NSMCE2: variants seen among roughly 807,000 people sequenced by gnomAD.
The protein encoded by NSMCE2 is NSE2 SUMO ligase component of SMC5/6 complex.
In NSMCE2, 24 loss-of-function variants were observed where a neutral mutation model predicts 23.8. That is an observed-to-expected ratio of 1.01 (90% CI 0.73 to 1.42). NSMCE2 has a LOEUF of 1.42. NSMCE2 is among the 40% of genes most tolerant of loss of function. NSMCE2 has a pLI of 0.00. For missense variants in NSMCE2, 284 were observed against 296.5 expected (o/e 0.96, Z 0.31); for synonymous variants, 92 against 94.1 (o/e 0.98, Z 0.13).
At chr8:125,287,417 C>T (rs887637332) in intron 5 of NSMCE2, among the ~76,000 whole-genome samples, 23 of 152,204 alleles carry the variant, frequency 1.5e-4, no homozygotes, top group African/African-American at 5.3e-4. Context: ...TGTTTCATGC[C>T]TGCTGCTACT....
At chr8:125,121,876 T>G (rs1364100908) in intron 3 of NSMCE2, among the ~76,000 whole-genome samples, 2 of 152,136 alleles carry the variant, frequency 1.3e-5, no homozygotes, top group Non-Finnish European at 2.9e-5. Context: ...AAGGAGTGGT[T>G]TTTGTTTTTT....
intron 5 of NSMCE2, among the ~76,000 whole-genome samples, chr8:125,245,379 AAAT>A (rs1825915559): frequency 6.6e-6 from 1 of 152,238 alleles, no homozygotes; most frequent in African/African-American, 2.4e-5. Flanking sequence ...ATATTAACTG[AAAT>A]AATAATTTGA....
At chr8:125,300,889 A>T (rs987229699) in intron 5 of NSMCE2, among the ~76,000 whole-genome samples, 1 of 152,176 alleles carries the variant, frequency 6.6e-6, no homozygotes, top group Non-Finnish European at 1.5e-5. Flanking sequence ...ATGGAAGAAC[A>T]TTCCACCTGG....
At chr8:125,103,291 G>A (rs890519976) in intron 3 of NSMCE2, among the ~76,000 whole-genome samples, 6 of 151,724 alleles carry the variant, frequency 4.0e-5, no homozygotes, top group African/African-American at 1.5e-4. Flanking sequence ...GGACAACAGA[G>A]CAAGACTCTG....
chr8:125,125,087 A>G (rs1215112778), intron 3 of NSMCE2, among the ~76,000 whole-genome samples: 4 of 152,048 alleles, frequency 2.6e-5, no homozygotes, highest in Non-Finnish European at 5.9e-5. Context: ...GAGCCCAGCT[A>G]GGATTTTCTG....
intron 5 of NSMCE2, among the ~76,000 whole-genome samples, chr8:125,185,784 TA>T (rs1396031796): frequency 3.3e-5 from 5 of 152,362 alleles, no homozygotes; most frequent in East Asian, 3.9e-4. Flanking sequence ...TTACATTTTA[TA>T]AACATAAAGG....
chr8:125,154,852 A>C (rs1453328930), intron 4 of NSMCE2, among the ~76,000 whole-genome samples: 1 of 152,216 alleles, frequency 6.6e-6, no homozygotes, highest in Non-Finnish European at 1.5e-5. Flanking sequence ...TGTTCTGAAC[A>C]CTAGACTTCT....
At chr8:125,159,524 T>G (rs1821494716) in intron 4 of NSMCE2, among the ~76,000 whole-genome samples, 1 of 152,224 alleles carries the variant, frequency 6.6e-6, no homozygotes, top group Non-Finnish European at 1.5e-5. Context: ...TAGTAGGCTA[T>G]TCCATCTAGG....
intron 3 of NSMCE2, among the ~76,000 whole-genome samples, chr8:125,105,040 C>T (rs1818389451): frequency 1.3e-5 from 2 of 152,120 alleles, no homozygotes; most frequent in African/African-American, 2.4e-5. Context: ...CCCTTGGATT[C>T]CTCCTCCCTT....
chr8:125,098,564 A>C (rs1818043263), intron 1 of NSMCE2, among the ~76,000 whole-genome samples: 1 of 152,160 alleles, frequency 6.6e-6, no homozygotes, highest in Non-Finnish European at 1.5e-5. Flanking sequence ...GGAGTAATTC[A>C]GGCAAGAGAT....
At chr8:125,332,043 C>T (rs1197056932) in intron 5 of NSMCE2, among the ~76,000 whole-genome samples, 1 of 152,190 alleles carries the variant, frequency 6.6e-6, no homozygotes, top group African/African-American at 2.4e-5. Flanking sequence ...CACCCTCCTT[C>T]TGCTGATATG....
chr8:125,292,052 T>C (rs1032974314), intron 5 of NSMCE2, among the ~76,000 whole-genome samples: 4 of 152,040 alleles, frequency 2.6e-5, no homozygotes, highest in African/African-American at 9.7e-5. Context: ...GAAGTGCACA[T>C]CACTTCCACT....
chr8:125,343,889 C>G (rs1325961742), intron 5 of NSMCE2, among the ~76,000 whole-genome samples: 1 of 152,042 alleles, frequency 6.6e-6, no homozygotes, highest in African/African-American at 2.4e-5. Flanking sequence ...GCCTGTAGTC[C>G]CAGCTACTCG....
intron 5 of NSMCE2, among the ~76,000 whole-genome samples, chr8:125,233,868 A>G (rs1825430385): frequency 6.6e-6 from 1 of 152,170 alleles, no homozygotes; most frequent in East Asian, 1.9e-4. Context: ...ATAGATCCCT[A>G]TTGATTATTT....
intron 5 of NSMCE2, among the ~76,000 whole-genome samples, chr8:125,224,251 A>G (rs1161561702): frequency 2.0e-5 from 3 of 152,052 alleles, no homozygotes; most frequent in Admixed American, 6.6e-5. Context: ...TTTCCTCCCA[A>G]CCCGTGAATT....
chr8:125,193,150 CAG>C (rs1364675126), intron 5 of NSMCE2, among the ~76,000 whole-genome samples: 129 of 152,172 alleles, frequency 8.5e-4, no homozygotes, highest in African/African-American at 3.0e-3. Flanking sequence ...TAAGAGTTAA[CAG>C]GGTATAAAGT....
intron 3 of NSMCE2, among the ~76,000 whole-genome samples, chr8:125,106,869 G>A (rs6987716): frequency 8.5e-4 from 126 of 147,610 alleles, no homozygotes; most frequent in African/African-American, 3.1e-3. Context: ...GGTGGTGGGC[G>A]CCTATAATCC....
chr8:125,106,114 A>G (rs1466283159), intron 3 of NSMCE2, among the ~76,000 whole-genome samples: 2 of 152,112 alleles, frequency 1.3e-5, no homozygotes, highest in Non-Finnish European at 2.9e-5. Context: ...AGTAGTCAAC[A>G]TAAACTAACC....
intron 4 of NSMCE2, among the ~76,000 whole-genome samples, chr8:125,179,948 A>C (rs1437133419): frequency 2.6e-5 from 4 of 152,206 alleles, no homozygotes; most frequent in African/African-American, 7.2e-5. Context: ...GACTGATTAC[A>C]CCTTGACAAG....
Sources: allele counts gnomAD v4.1 joint callset (sites outside exome capture counted in the v4.1 genomes callset), GRCh38; gene constraint gnomAD v4.1.1; transcripts MANE v1.5; gene names NCBI Gene and HGNC (gene_info 2026-07-23, HGNC 2026-07-21).